Variants in FARP1 observed in about 807,000 individuals in gnomAD.
FARP1 encodes the protein FERM, ARHGEF and pleckstrin domain-containing protein 1.
In FARP1, 52 loss-of-function variants were observed where a neutral mutation model predicts 128.8. The observed-to-expected ratio is 0.40, with a 90% CI of 0.32 to 0.51. The LOEUF (loss-of-function observed/expected upper bound fraction) is 0.51. FARP1 is among the 20% of genes least tolerant of loss of function. FARP1 has a pLI of 0.45. For missense variants in FARP1, 1,333 were observed against 1,367.9 expected, an observed-to-expected ratio of 0.97 and a Z score of 0.40; for synonymous variants, 580 against 551.8, an observed-to-expected ratio of 1.05 and a Z score of -0.72.
chr13:98,193,099 C>T (rs1254223262), intron 1 of FARP1, among the ~76,000 whole-genome samples: 1 of 151,562 alleles, frequency 6.6e-6, no homozygotes, highest in Non-Finnish European at 1.5e-5. Flanking sequence ...ACTCTGTTGC[C>T]CAGGCTGGAG....
intron 16 of FARP1, among the ~76,000 whole-genome samples, chr13:98,414,119 A>G (rs1158665096): frequency 1.3e-5 from 2 of 152,246 alleles, no homozygotes; most frequent in Non-Finnish European, 2.9e-5. Flanking sequence ...TTCCATGGCC[A>G]TAAATCTTTA....
Position 98,326,394 on chromosome 13 carries a change from T to G in FARP1, c.172-17368T>G, listed in dbSNP as rs1887233856. ...GTAGCTTTTCGTATTTTCACATTGC[T>G]GTGAAACAGAGGTCCAGAACTTTTT... On this transcript the variant is annotated intron_variant, in intron 2 of 26. Coordinates refer to ENST00000319562, the MANE Select transcript of FARP1 (RefSeq NM_005766.4). Among the ~76,000 whole-genome samples the G allele has an allele frequency of 3.3e-5, 5 of 152,388 alleles. No homozygotes were observed. In the South Asian group the frequency reaches 1.0e-3, roughly 32 times the overall value.
intron 1 of FARP1, among the ~76,000 whole-genome samples, chr13:98,189,285 A>C (rs1462804825): frequency 6.7e-6 from 1 of 150,152 alleles, no homozygotes; most frequent in Non-Finnish European, 1.5e-5. Context: ...TTTGGTCATC[A>C]TAAAGCAGTA....
At chr13:98,372,359 A>T (rs1419713726) in intron 5 of FARP1, among the ~76,000 whole-genome samples, 4 of 152,082 alleles carry the variant, frequency 2.6e-5, no homozygotes, top group Admixed American at 2.6e-4. Context: ...TGCTGGCATT[A>T]CAGGCCTGAG....
At chr13:98,245,087 A>G (rs1202118839) in intron 2 of FARP1, 1 of 1,013,502 alleles carries the variant, frequency 9.9e-7, no homozygotes, top group Non-Finnish European at 1.2e-6. Context: ...TCCTTTCCTG[A>G]GTGGTCTCTT....
intron 9 of FARP1, 137 bp from the exon 10 acceptor site, chr13:98,389,820 T>G (rs538004407): frequency 7.9e-6 from 6 of 762,070 alleles, no homozygotes; most frequent in Non-Finnish European, 1.1e-5. Flanking sequence ...AGTAAGTCTT[T>G]GCACTGATGG....
intron 24 of FARP1, chr13:98,445,280 C>G (rs374716175): frequency 1.5e-4 from 23 of 152,354 alleles, no homozygotes; most frequent in African/African-American, 5.5e-4. Flanking sequence ...GCATTAAGTG[C>G]CTTTACAAGG....
intron 1 of FARP1, among the ~76,000 whole-genome samples, chr13:98,205,968 A>G (rs144783929): frequency 6.6e-6 from 1 of 152,282 alleles, no homozygotes. Context: ...ATTTATAACT[A>G]TGTTTGGACA....
At chr13:98,316,549 T>C (rs561712244) in intron 2 of FARP1, among the ~76,000 whole-genome samples, 1 of 152,300 alleles carries the variant, frequency 6.6e-6, no homozygotes, top group African/African-American at 2.4e-5. Context: ...CCCATTGCCC[T>C]GGAGAGCTCA....
At chr13:98,442,690 G>A (rs545474990) in intron 24 of FARP1, among the ~76,000 whole-genome samples, 1 of 152,342 alleles carries the variant, frequency 6.6e-6, no homozygotes, top group African/African-American at 2.4e-5. Context: ...TATGATAGCA[G>A]GAAAGGAGAC....
chr13:98,193,322 C>T (rs1350775402), intron 1 of FARP1, among the ~76,000 whole-genome samples: 1 of 152,220 alleles, frequency 6.6e-6, no homozygotes, highest in Non-Finnish European at 1.5e-5. Flanking sequence ...TCCCAAAGTG[C>T]TGGGATTACA....
At chr13:98,244,355 A>G (rs771346882) in intron 2 of FARP1, 21 of 697,542 alleles carry the variant, frequency 3.0e-5, no homozygotes, top group Non-Finnish European at 4.7e-5. Flanking sequence ...TGGTGTTACC[A>G]TCACCCAGTC....
chr13:98,396,229 C>A (rs577387420), intron 13 of FARP1: 21 of 399,026 alleles, frequency 5.3e-5, no homozygotes, highest in Non-Finnish European at 8.4e-5. Context: ...CTCTAAGGTC[C>A]CTGCTGTGCA....
chr13:98,298,164 C>T (rs1049698429), intron 2 of FARP1, among the ~76,000 whole-genome samples: 10 of 152,240 alleles, frequency 6.6e-5, no homozygotes, highest in African/African-American at 2.4e-4. Flanking sequence ...ATTTGAGCAT[C>T]TGTCCTCTAT....
chr13:98,395,712 G>A (rs56094847), intron 13 of FARP1: 41,531 of 450,974 alleles, frequency 0.092, 2,183 homozygotes, highest in Non-Finnish European at 0.1. Context: ...CGCACTCTGC[G>A]AAGTCCTCCC....
intron 16 of FARP1, among the ~76,000 whole-genome samples, chr13:98,414,210 T>G (rs1891295076): frequency 6.6e-6 from 1 of 152,238 alleles, no homozygotes; most frequent in Non-Finnish European, 1.5e-5. Flanking sequence ...GTAGAGTATC[T>G]TTCTAAGATC....
chr13:98,251,755 AT>A (rs1302129260), intron 2 of FARP1, among the ~76,000 whole-genome samples: 3 of 152,174 alleles, frequency 2.0e-5, no homozygotes, highest in Non-Finnish European at 4.4e-5. Flanking sequence ...GCCCTCCAGC[AT>A]CACCTGTTGG....
At chr13:98,282,270 A>C (rs1884971638) in intron 2 of FARP1, among the ~76,000 whole-genome samples, 1 of 152,200 alleles carries the variant, frequency 6.6e-6, no homozygotes, top group Admixed American at 6.5e-5. Flanking sequence ...CCTGGGGGAC[A>C]GAGTGGGACC....
At chr13:98,156,346 A>T (rs192321274) in intron 1 of FARP1, among the ~76,000 whole-genome samples, 273 of 152,348 alleles carry the variant, frequency 1.8e-3, no homozygotes, top group African/African-American at 6.4e-3. Context: ...AAACAAAGAT[A>T]AACATATTAA....
Sources: gnomAD v4.1 joint callset for allele counts (sites outside exome capture counted in the v4.1 genomes callset) on GRCh38, gnomAD v4.1.1 for gene constraint, MANE v1.5 for transcripts, NCBI Gene and HGNC (gene_info 2026-07-23, HGNC 2026-07-21) for gene names.